Variants in ECHDC2 observed in about 807,000 individuals in gnomAD.
The protein encoded by ECHDC2 is enoyl-CoA hydratase domain containing 2, also known as enoyl-CoA hydratase domain-containing protein 2, mitochondrial.
Under a neutral mutation model 40.6 loss-of-function variants are expected in ECHDC2, and 34 were observed. The observed-to-expected ratio is 0.84, with a 90% CI of 0.64 to 1.11. ECHDC2 has a LOEUF of 1.11. Among genes scored for constraint, ECHDC2 ranks in the 50% most tolerant of loss-of-function variants. The pLI is 0.00. For missense variants in ECHDC2, 392 were observed against 400.7 expected (o/e 0.98, Z 0.19); for synonymous variants, 162 against 166.6 (o/e 0.97, Z 0.21).
chr1:52,905,887 C>A (rs1236478087), intron 5 of ECHDC2: 2 of 199,100 alleles, frequency 1.0e-5, no homozygotes, highest in Non-Finnish European at 2.1e-5. Context: ...TACTTTCATG[C>A]CTGGAGCTAC....
chr1:52,921,279 C>A (rs1263240775), intron 1 of ECHDC2: 2 of 566,986 alleles, frequency 3.5e-6, no homozygotes, highest in Non-Finnish European at 5.3e-6. Flanking sequence ...CCTACCCGTG[C>A]GGACCCCGCT....
At chr1:52,903,517 C>T (rs535150168) in intron 7 of ECHDC2, among the ~76,000 whole-genome samples, 1 of 151,952 alleles carries the variant, frequency 6.6e-6, no homozygotes, top group Admixed American at 6.6e-5. Context: ...GTGGCGTGAC[C>T]AGCTTACTGC....
intron 8 of ECHDC2, chr1:52,897,696 G>A (rs1646726466): frequency 1.6e-6 from 1 of 616,168 alleles, no homozygotes; most frequent in Non-Finnish European, 2.9e-6. Flanking sequence ...GAGAAGAGGA[G>A]TTCTCCTTCC....
intron 1 of ECHDC2, among the ~76,000 whole-genome samples, chr1:52,917,267 A>G (rs1056398158): frequency 6.6e-6 from 1 of 151,954 alleles, no homozygotes; most frequent in African/African-American, 2.4e-5. Context: ...TGTGGAGAAC[A>G]ACTGATTTAA....
At chr1:52,908,929 CAAAAAAAAAAAA>C (rs34090739) in intron 3 of ECHDC2, among the ~76,000 whole-genome samples, 3 of 43,852 alleles carry the variant, frequency 6.8e-5, no homozygotes, top group African/African-American at 1.2e-4. Flanking sequence ...GACAGAGTCT[CAAAAAAAAAAAA>C]AAAAAAAAAA....
chr1:52,907,527 G>A, intron 4 of ECHDC2: 1 of 257,234 alleles, frequency 3.9e-6, no homozygotes, highest in Non-Finnish European at 7.4e-6. Flanking sequence ...TGGAGGGCTT[G>A]AAGGACAAGT....
intron 8 of ECHDC2, chr1:52,898,413 G>A (rs1646775265): frequency 6.6e-6 from 1 of 152,256 alleles, no homozygotes; most frequent in Non-Finnish European, 1.5e-5. Context: ...GTAGAGACGG[G>A]GTTTCACTGT....
At chr1:52,904,049 C>T (rs1647193078) in intron 7 of ECHDC2, among the ~76,000 whole-genome samples, 1 of 152,034 alleles carries the variant, frequency 6.6e-6, no homozygotes, top group South Asian at 2.1e-4. Flanking sequence ...AACTCCTAAC[C>T]TCGTGATACA....
In ECHDC2 at chr1:52,908,051, G is replaced by C; in HGVS notation, c.278-97C>G. Reference sequence around the variant, plus strand: ...TCCAGCAAAGAAGACCTGAGGACAGGCAGCCAGCGAGGAAGGAGAAACACC... The same window carrying C: ...TCCAGCAAAGAAGACCTGAGGACAGCCAGCCAGCGAGGAAGGAGAAACACC... On this transcript the variant is annotated intron_variant, in intron 3 of 9. Transcript: ENST00000371522. The C allele has an allele frequency of 7.4e-6, 8 of 1,077,316 alleles. No homozygotes were observed. The South Asian group carries it at 1.1e-4, about 15-fold the overall frequency. The allele number at this position is 1,077,316 out of a possible 1,614,324, so 66.7% of individuals were successfully genotyped here. A position where few individuals can be genotyped will look rare whatever the true frequency, so the allele number is the denominator to read the frequency against.
At chr1:52,907,196 C>T (rs1369430435) in intron 4 of ECHDC2, 1 of 151,842 alleles carries the variant, frequency 6.6e-6, no homozygotes, top group African/African-American at 2.4e-5. Context: ...TTCCCGCAGC[C>T]AGGTTATCTC....
chr1:52,912,109 CACACACAA>C (rs1649666411), intron 1 of ECHDC2: 1 of 1,106,072 alleles, frequency 9.0e-7, no homozygotes, highest in African/African-American at 1.6e-5. Flanking sequence ...CAGACACACA[CACACACAA>C]GCACACATGC....
At position 52,918,339 on chromosome 1, in the gene ECHDC2, C is replaced by T. The variant is rs1018408502; in HGVS notation, c.121+3214G>A. On this transcript the variant is annotated intron_variant, in intron 1 of 9. Coordinates refer to ENST00000371522, the MANE Select transcript of ECHDC2 (RefSeq NM_001198961.2). ...GTGAGCCACTGTACCTGGCCTGGGCCGTGTGTACTCCTACTTATTAAAAAA... is the reference window on the plus strand; with the variant it reads ...GTGAGCCACTGTACCTGGCCTGGGCTGTGTGTACTCCTACTTATTAAAAAA... Among the ~76,000 whole-genome samples the T allele has an allele frequency of 2.2e-4, 33 of 148,950 alleles. 1 individual carries two copies. Among genetic ancestry groups the T allele is most frequent in the Admixed American group, 1.8e-3 (27 of 14,934 alleles).
intron 9 of ECHDC2, 44 bp from the exon 10 acceptor site, chr1:52,896,641 C>T: frequency 6.5e-7 from 1 of 1,527,698 alleles, no homozygotes; most frequent in East Asian, 2.2e-5. Flanking sequence ...AGCAGGGCCA[C>T]AGGCCCAAAA....
intron 1 of ECHDC2, chr1:52,917,412 C>G (rs112302658): frequency 8.3e-5 from 30 of 362,570 alleles, no homozygotes; most frequent in African/African-American, 6.2e-4. Context: ...TTCAGACACA[C>G]GAAACATAAA....
chr1:52,902,038 A>G (rs1035354005), intron 7 of ECHDC2: 1 of 152,266 alleles, frequency 6.6e-6, no homozygotes, highest in South Asian at 2.1e-4. Context: ...AAAAAAAAAA[A>G]AGACAAATGC....
At chr1:52,916,103 C>G (rs1650609377) in intron 1 of ECHDC2, among the ~76,000 whole-genome samples, 1 of 152,224 alleles carries the variant, frequency 6.6e-6, no homozygotes, top group African/African-American at 2.4e-5. Flanking sequence ...CCGACTGCAG[C>G]CCAGCCTGGC....
intron 5 of ECHDC2, 165 bp downstream of exon 5, chr1:52,906,354 G>A: frequency 2.8e-6 from 2 of 706,358 alleles, no homozygotes; most frequent in Admixed American, 2.0e-5. Flanking sequence ...CACCAGGAGG[G>A]GAAGCAGCTT....
chr1:52,918,931 T>G (rs1285401678), intron 1 of ECHDC2, among the ~76,000 whole-genome samples: 1 of 152,146 alleles, frequency 6.6e-6, no homozygotes, highest in Admixed American at 6.5e-5. Flanking sequence ...AGCAGCTTCA[T>G]CTGTATTTAC....
At position 52,911,874 on chromosome 1, in the gene ECHDC2, C is replaced by T. The variant is rs575735244; in HGVS notation, c.122-84G>A. ...GGGCTGGGGACTGGAGGCAGGAGGC[C>T]TGGGATCTGGGGAGCCTCTGCCCTA... On this transcript the variant is annotated intron_variant, in intron 1 of 9. Transcript: ENST00000371522. 5.8e-6 allele frequency: 9 copies of T among 1,564,424 alleles called. No homozygotes were observed. In the South Asian group the frequency reaches 9.2e-5, roughly 16 times the overall value.
Sources: allele counts gnomAD v4.1 joint callset (sites outside exome capture counted in the v4.1 genomes callset), GRCh38; gene constraint gnomAD v4.1.1; transcripts MANE v1.5; gene names NCBI Gene and HGNC (gene_info 2026-07-23, HGNC 2026-07-21).